TRPC6: variants seen among roughly 807,000 people sequenced by gnomAD.
TRPC6 encodes the protein transient receptor potential cation channel subfamily C member 6.
A neutral mutation model predicts 90.7 loss-of-function variants in TRPC6; 55 were observed. The ratio of observed to expected loss-of-function variants is 0.61; its 90% CI spans 0.49 to 0.76. TRPC6 has a LOEUF of 0.76. TRPC6 is among the 30% of genes least tolerant of loss of function. The pLI is 0.00. For synonymous variants in TRPC6, 393 were observed against 393.0 expected (o/e 1.00, Z 0.00); for missense variants, 989 against 1,122.7 (o/e 0.88, Z 1.70).
chr11:101,491,818 T>C (rs2136707913), intron 2 of TRPC6, 80 bp from the exon 3 acceptor site: 1 of 1,096,818 alleles, frequency 9.1e-7, no homozygotes, highest in South Asian at 1.4e-5. Context: ...AAGGATTTTA[T>C]ACTTTAAGAG....
intron 1 of TRPC6, among the ~76,000 whole-genome samples, chr11:101,560,988 AG>A (rs2136865890): frequency 6.6e-6 from 1 of 152,332 alleles, no homozygotes; most frequent in Non-Finnish European, 1.5e-5. Context: ...AGAGCATTCC[AG>A]TTTAATACCA....
intron 1 of TRPC6, among the ~76,000 whole-genome samples, chr11:101,577,695 CAA>C (rs1862100927): frequency 6.6e-6 from 1 of 152,072 alleles, no homozygotes; most frequent in South Asian, 2.1e-4. Context: ...AGGCAAGGGT[CAA>C]TCCCCAGGAG....
At chr11:101,539,249 ACTAGACTGCTCCAACTCTGAGG>A (rs1484624063) in intron 1 of TRPC6, among the ~76,000 whole-genome samples, 1 of 152,048 alleles carries the variant, frequency 6.6e-6, no homozygotes. Context: ...ATTCCTTAGA[ACTAGACTGCTCCAACTCTGAGG>A]CTAGACTGCT....
intron 1 of TRPC6, among the ~76,000 whole-genome samples, chr11:101,533,213 AAAG>A (rs1274752059): frequency 6.6e-6 from 1 of 152,162 alleles, no homozygotes; most frequent in Non-Finnish European, 1.5e-5. Context: ...TTTATAAAGA[AAAG>A]AAGTTTAATT....
chr11:101,475,106 AC>A (rs996380811), intron 6 of TRPC6, among the ~76,000 whole-genome samples: 12 of 152,048 alleles, frequency 7.9e-5, no homozygotes, highest in Non-Finnish European at 1.0e-4. Context: ...TATGTCATCC[AC>A]CCTGGATTTT....
chr11:101,542,082 A>AT (rs34000632), intron 1 of TRPC6, among the ~76,000 whole-genome samples: 39,567 of 152,062 alleles, frequency 0.26, 5,639 homozygotes, highest in East Asian at 0.4. Context: ...TCCTAGATAA[A>AT]TTTTTTTAAT....
chr11:101,455,317 G>A, intron 10 of TRPC6: 1 of 500,892 alleles, frequency 2.0e-6, no homozygotes, highest in Non-Finnish European at 3.6e-6. Flanking sequence ...GAGGTTGTCT[G>A]AGGAGTCTCT....
chr11:101,500,808 G>A (rs1860101075), intron 2 of TRPC6, among the ~76,000 whole-genome samples: 1 of 152,122 alleles, frequency 6.6e-6, no homozygotes, highest in African/African-American at 2.4e-5. Context: ...ACCTCAAGGA[G>A]TAAAAGGAAA....
intron 5 of TRPC6, 87 bp downstream of exon 5, chr11:101,482,862 G>C: frequency 7.6e-7 from 1 of 1,324,306 alleles, no homozygotes; most frequent in Non-Finnish European, 1.1e-6. Context: ...GCATACATTT[G>C]TATAACTGAT....
At chr11:101,511,419 G>GA (rs1414900606) in intron 1 of TRPC6, among the ~76,000 whole-genome samples, 47 of 152,172 alleles carry the variant, frequency 3.1e-4, no homozygotes, top group African/African-American at 1.1e-3. Context: ...TACATAACTG[G>GA]AATACATTAA....
intron 4 of TRPC6, among the ~76,000 whole-genome samples, chr11:101,483,867 G>A (rs185016228): frequency 2.0e-5 from 3 of 152,164 alleles, no homozygotes; most frequent in East Asian, 1.9e-4. Context: ...TATGAAATAC[G>A]GGGGACAAAA....
chr11:101,496,425 A>C (rs1160376545), intron 2 of TRPC6, among the ~76,000 whole-genome samples: 1 of 152,232 alleles, frequency 6.6e-6, no homozygotes, highest in African/African-American at 2.4e-5. Context: ...ATGATTAACA[A>C]GCATTTATAA....
chr11:101,577,274 G>A (rs956073923), intron 1 of TRPC6, among the ~76,000 whole-genome samples: 9 of 151,718 alleles, frequency 5.9e-5, no homozygotes, highest in African/African-American at 1.2e-4. Context: ...TCATTGTGTC[G>A]CACATGTTCT....
At position 101,452,833 on chromosome 11, in the gene TRPC6, C is replaced by T; in HGVS notation, c.*122G>A. On this transcript the variant is annotated 3_prime_UTR_variant, in exon 13 of 13. Transcript: ENST00000344327. ...ACTAGGGCTCCAGATGATAGGATGGCCCAAGTTATTTAACGTTTTCTTGTT... is the reference window on the plus strand; with the variant it reads ...ACTAGGGCTCCAGATGATAGGATGGTCCAAGTTATTTAACGTTTTCTTGTT... The T allele has an allele frequency of 8.3e-7, 1 of 1,198,518 alleles. No individual in the cohort carries two copies. The highest frequency in any genetic ancestry group is 1.2e-6 in the Non-Finnish European group (1 of 828,746). 74.2% of individuals were successfully genotyped at this position (1,198,518 alleles called of 1,614,324 possible). A position where few individuals can be genotyped will look rare whatever the true frequency, so the allele number is the denominator to read the frequency against.
intron 3 of TRPC6, chr11:101,491,277 A>C: frequency 2.9e-6 from 1 of 342,846 alleles, no homozygotes; most frequent in Non-Finnish European, 5.7e-6. Context: ...TACTAAAAAT[A>C]CAAAAAATTA....
At chr11:101,537,746 C>CA (rs926389520) in intron 1 of TRPC6, among the ~76,000 whole-genome samples, 5 of 148,798 alleles carry the variant, frequency 3.4e-5, no homozygotes, top group African/African-American at 1.0e-4. Flanking sequence ...TTTCTGCTAG[C>CA]AAAAAAACAT....
intron 1 of TRPC6, among the ~76,000 whole-genome samples, chr11:101,576,076 T>C (rs1442072788): frequency 1.3e-5 from 2 of 152,334 alleles, no homozygotes; most frequent in East Asian, 3.9e-4. Context: ...TATTGGGTTT[T>C]GCCCACTTGA....
chr11:101,471,473 A>T, intron 8 of TRPC6, 87 bp from the exon 9 acceptor site: 1 of 1,408,682 alleles, frequency 7.1e-7, no homozygotes. Context: ...TAGATGGAGG[A>T]CAATGCCTAT....
intron 2 of TRPC6, among the ~76,000 whole-genome samples, chr11:101,501,051 CA>C (rs1565219617): frequency 6.6e-6 from 1 of 151,904 alleles, no homozygotes; most frequent in Non-Finnish European, 1.5e-5. Context: ...CACAGTTTTT[CA>C]AACATCTTTC....
Sources: gnomAD v4.1 joint callset for allele counts (sites outside exome capture counted in the v4.1 genomes callset) on GRCh38, gnomAD v4.1.1 for gene constraint, MANE v1.5 for transcripts, NCBI Gene and HGNC (gene_info 2026-07-23, HGNC 2026-07-21) for gene names.